Variants in ASTN2 observed in about 807,000 individuals in gnomAD.
The protein encoded by ASTN2 is astrotactin-2.
ASTN2 carries 54 observed loss-of-function variants against 139.8 expected under a neutral mutation model. The observed-to-expected ratio is 0.39, with a 90% CI of 0.31 to 0.48. The LOEUF is 0.48. Among genes scored for constraint, ASTN2 ranks in the 20% least tolerant of loss-of-function variants. ASTN2 has a pLI of 0.95. For missense variants in ASTN2, 1,565 were observed against 1,725.1 expected (o/e 0.91, Z 1.64); for synonymous variants, 756 against 719.5 (o/e 1.05, Z -0.81).
intron 12 of ASTN2, among the ~76,000 whole-genome samples, chr9:116,818,613 T>C (rs1791187880): frequency 6.6e-6 from 1 of 152,216 alleles, no homozygotes; most frequent in African/African-American, 2.4e-5. Flanking sequence ...CACAATATAT[T>C]AACAGATTAG....
intron 1 of ASTN2, among the ~76,000 whole-genome samples, chr9:117,299,981 A>C (rs1834836748): frequency 6.6e-6 from 1 of 152,242 alleles, no homozygotes; most frequent in Admixed American, 6.5e-5. Context: ...TGGGGGTCAC[A>C]GTCTGGCCTA....
rs548571853 is a variant in ASTN2 at position 117,203,509 on chromosome 9, G to C, written c.1015+10849C>G. Among the ~76,000 whole-genome samples, 28 of 152,218 alleles carry C rather than the reference G, an allele frequency of 1.8e-4. No homozygotes were observed. In the South Asian group the frequency reaches 5.8e-3, roughly 32 times the overall value. ...TAGTCTTTGAGGCTGCTGACCCTTG[G>C]ATGGGGTTTTTGTGGGGGCCTTTGT... is the stretch of plus-strand genomic sequence containing the variant. On this transcript the variant is annotated intron_variant, in intron 3 of 22. Transcript: ENST00000313400.
chr9:116,561,549 C>T lies in ASTN2; in HGVS notation c.3355+56775G>A, dbSNP rs1852915613. Among the ~76,000 whole-genome samples the T allele has an allele frequency of 2.6e-5, 4 of 152,168 alleles. No homozygotes were observed. The South Asian group carries it at 8.3e-4, about 32-fold the overall frequency. On this transcript the variant is annotated intron_variant, in intron 19 of 22. Transcript: ENST00000313400. ...ATTTACACCAAGGAGACAAAGTAGA[C>T]TACCAAAGAGAAAAACAGAAACAGA...
intron 10 of ASTN2, among the ~76,000 whole-genome samples, chr9:116,960,509 T>C (rs1384030524): frequency 6.6e-6 from 1 of 151,442 alleles, no homozygotes; most frequent in African/African-American, 2.4e-5. Flanking sequence ...AGGACTAATA[T>C]ACCTTCATCT....
At chr9:116,624,520 T>C (rs1416576425) in intron 17 of ASTN2, among the ~76,000 whole-genome samples, 6 of 152,238 alleles carry the variant, frequency 3.9e-5, no homozygotes, top group Non-Finnish European at 8.8e-5. Context: ...GGGGCTCTTC[T>C]AGCTCTAAAA....
chr9:117,274,527 T>TTGTTTATCC (rs1293280700), intron 2 of ASTN2, among the ~76,000 whole-genome samples: 5 of 152,224 alleles, frequency 3.3e-5, no homozygotes, highest in African/African-American at 1.2e-4. Context: ...CTCCTGTGCA[T>TTGTTTATCC]TGTGCCTGCT....
rs1408454443 is a variant in ASTN2, at chr9:116,513,700, T to A, written c.3356-26200A>T. ...ATTTCTTGGAGGCTTTGTTTGTTTC[T>A]TTTTATTCTTTTTTCTCTAAACTTC... On this transcript the variant is annotated intron_variant, in intron 19 of 22. Transcript: ENST00000313400. Among the ~76,000 whole-genome samples the A allele has an allele frequency of 2.0e-5, 3 of 152,228 alleles. No homozygotes were observed. The East Asian group carries it at 5.8e-4, about 29-fold the overall frequency.
intron 3 of ASTN2, among the ~76,000 whole-genome samples, chr9:117,178,663 G>A (rs1260450402): frequency 6.6e-5 from 10 of 152,184 alleles, no homozygotes; most frequent in African/African-American, 2.4e-4. Flanking sequence ...GTGGAATTCT[G>A]GCCTGCCTAT....
chr9:117,200,995 G>GA (rs1831693666), intron 3 of ASTN2, among the ~76,000 whole-genome samples: 1 of 49,254 alleles, frequency 2.0e-5, no homozygotes, highest in Admixed American at 2.1e-4. Flanking sequence ...CTGGTCCTGG[G>GA]CTTTTTTTTT....
rs1376062376 is a variant in ASTN2 at position 116,462,787 on chromosome 9, C to CGTGTGTGTGTGTGTGTGT, written c.3498-20235_3498-20234insACACACACACACACACAC. On this transcript the variant is annotated intron_variant, in intron 20 of 22. Transcript: ENST00000313400. ...TCTTTAAGGGTAAGTGTTGGGTGAG[C>CGTGTGTGTGTGTGTGTGT]ATGTGTGTGTGTGTGTGTGTGTGTG... 1.3e-3 allele frequency among the ~76,000 whole-genome samples: 127 copies of CGTGTGTGTGTGTGTGTGT among 97,630 alleles called. 2 individuals are homozygous for CGTGTGTGTGTGTGTGTGT. In the South Asian group the frequency reaches 0.026, roughly 20 times the overall value. The allele number at this position is 97,630 out of a possible 152,430, so 64.0% of individuals were successfully genotyped here. A position where few individuals can be genotyped will look rare whatever the true frequency, so the allele number is the denominator to read the frequency against.
At chr9:117,303,379 C>T (rs142064572) in intron 1 of ASTN2, among the ~76,000 whole-genome samples, 98 of 152,230 alleles carry the variant, frequency 6.4e-4, no homozygotes, top group Non-Finnish European at 1.2e-3. Flanking sequence ...GAAGGGGACT[C>T]GGAGAGATTA....
intron 5 of ASTN2, among the ~76,000 whole-genome samples, chr9:117,068,882 A>G (rs1385922075): frequency 8.6e-6 from 1 of 115,830 alleles, no homozygotes; most frequent in Non-Finnish European, 1.8e-5. Context: ...TATTGTGTCT[A>G]TTTGATTCTT....
intron 10 of ASTN2, among the ~76,000 whole-genome samples, chr9:116,898,875 TCG>T (rs1374310914): frequency 1.3e-5 from 2 of 152,136 alleles, no homozygotes; most frequent in African/African-American, 4.8e-5. Flanking sequence ...TCTCACTATA[TCG>T]CCCTAGCTGG....
intron 16 of ASTN2, among the ~76,000 whole-genome samples, chr9:116,707,112 A>G (rs1310191938): frequency 1.3e-5 from 2 of 151,750 alleles, no homozygotes; most frequent in Non-Finnish European, 2.9e-5. Context: ...TGGCGTACTC[A>G]AAAGAAACAG....
chr9:117,144,807 G>A lies in ASTN2; in HGVS notation c.1016-3329C>T, dbSNP rs181432014. ...AGCAATTCTTATGCCCCAGCCTCCC[G>A]AGTAGCTGGGATTATAGGCATGCAC... On this transcript the variant is annotated intron_variant, in intron 3 of 22. Transcript: ENST00000313400. Among the ~76,000 whole-genome samples, 698 of 150,776 alleles carry A rather than the reference G, an allele frequency of 4.6e-3. 5 individuals carry two copies. Among genetic ancestry groups the A allele is most frequent in the African/African-American group, 0.016 (647 of 40,962 alleles).
intron 19 of ASTN2, among the ~76,000 whole-genome samples, chr9:116,538,438 C>T (rs1851738654): frequency 6.6e-6 from 1 of 151,998 alleles, no homozygotes; most frequent in Non-Finnish European, 1.5e-5. Context: ...GATGTGTGGC[C>T]CATGACTTTG....
At chr9:116,439,001 T>C (rs1244333606) in intron 22 of ASTN2, among the ~76,000 whole-genome samples, 6 of 152,126 alleles carry the variant, frequency 3.9e-5, no homozygotes, top group African/African-American at 9.7e-5. Flanking sequence ...AACATTTCTC[T>C]AACTAATCTC....
chr9:117,337,209 A>AT (rs5900285), intron 1 of ASTN2, among the ~76,000 whole-genome samples: 12,478 of 152,188 alleles, frequency 0.082, 631 homozygotes, highest in Non-Finnish European at 0.1. Context: ...GGGAATTCCC[A>AT]TTTTATACAT....
intron 13 of ASTN2, among the ~76,000 whole-genome samples, chr9:116,742,218 C>T (rs929273540): frequency 1.3e-5 from 2 of 152,218 alleles, no homozygotes; most frequent in African/African-American, 4.8e-5. Context: ...AGTTTCAAAA[C>T]CCAGCCTGTG....
Sources: gnomAD v4.1 joint callset for allele counts (sites outside exome capture counted in the v4.1 genomes callset) on GRCh38, gnomAD v4.1.1 for gene constraint, MANE v1.5 for transcripts, NCBI Gene and HGNC (gene_info 2026-07-23, HGNC 2026-07-21) for gene names.